The following TRIM48 variants were observed in gnomAD, a reference collection of about 807,000 sequenced individuals.
TRIM48 encodes tripartite motif containing 48.
In TRIM48, 31 loss-of-function variants were observed where a neutral mutation model predicts 29.5. The observed-to-expected ratio is 1.05, with a 90% CI of 0.79 to 1.42. TRIM48 has a LOEUF of 1.42. Among genes scored for constraint, TRIM48 ranks in the 40% most tolerant of loss-of-function variants. The pLI is 0.00. For missense variants in TRIM48, 344 were observed against 265.0 expected, an observed-to-expected ratio of 1.30 and a Z score of -2.07; for synonymous variants, 128 against 90.6, an observed-to-expected ratio of 1.41 and a Z score of -2.34.
rs200146545 is a variant in TRIM48, at chr11:55,271,062, G to C, written c.*627G>C. 8.1e-7 allele frequency: 1 copy of C among 1,234,678 alleles called. No homozygotes were observed. The highest frequency in any genetic ancestry group is 3.3e-5 in the East Asian group (1 of 30,768). 76.5% of individuals were successfully genotyped at this position (1,234,678 alleles called of 1,614,324 possible). ...TTTATGTCTTGAATTGCATTCTAAT[G>C]TTATTAAAACTCATTTATTGTGTTA... On this transcript the variant is annotated 3_prime_UTR_variant, in exon 6 of 6. Coordinates refer to ENST00000417545, the MANE Select transcript of TRIM48 (RefSeq NM_024114.5).
Position 55,268,346 on chromosome 11 carries a change from A to G in TRIM48, c.556-4A>G, listed in dbSNP as rs773485587. 2 of 1,514,616 alleles carry G rather than the reference A, an allele frequency of 1.3e-6. No homozygotes were observed. Among genetic ancestry groups the G allele is most frequent in the African/African-American group, 2.9e-5 (2 of 68,940 alleles). The allele number at this position is 1,514,616 out of a possible 1,614,324, so 93.8% of individuals were successfully genotyped here. A position where few individuals can be genotyped will look rare whatever the true frequency, so the allele number is the denominator to read the frequency against. On this transcript the variant is annotated splice_polypyrimidine_tract_variant and splice_region_variant and intron_variant, in intron 3 of 5. Coordinates refer to ENST00000417545, the MANE Select transcript of TRIM48 (RefSeq NM_024114.5). ...CTAAATCTTTCTATTTTTTTTTTTT[A>G]CAGGCTTTTGGAGACATATTATACA...
At position 55,265,759 on chromosome 11, in the gene TRIM48, A is replaced by T; in HGVS notation, c.555+64A>T. On this transcript the variant is annotated intron_variant, in intron 3 of 5. Coordinates refer to ENST00000417545, the MANE Select transcript of TRIM48 (RefSeq NM_024114.5). Reference sequence around the variant, plus strand: ...GGTGGGCAAATGGGTGACTCTTAAAATAGGAACTTGATATCAAACCGTAAT... The same window carrying T: ...GGTGGGCAAATGGGTGACTCTTAAATTAGGAACTTGATATCAAACCGTAAT... The T allele has an allele frequency of 3.4e-6, 5 of 1,476,262 alleles. 1 individual carries two copies. The highest frequency in any genetic ancestry group is 4.6e-6 in the Non-Finnish European group (5 of 1,086,870). 91.4% of individuals were successfully genotyped at this position (1,476,262 alleles called of 1,614,324 possible).
At chr11:55,266,062 G>A (rs1304228782) in intron 3 of TRIM48, among the ~76,000 whole-genome samples, 2 of 147,550 alleles carry the variant, frequency 1.4e-5, no homozygotes, top group African/African-American at 5.0e-5. Flanking sequence ...AACCTTCTGA[G>A]CCTGGGTCAG....
chr11:55,270,323 T>G, intron 5 of TRIM48, 114 bp from the exon 6 acceptor site: 1 of 839,188 alleles, frequency 1.2e-6, no homozygotes, highest in Non-Finnish European at 1.7e-6. Flanking sequence ...CCTTGTGACT[T>G]TACGTTTCCT....
At chr11:55,262,439 T>C (rs1262992723) in intron 1 of TRIM48, 128 bp downstream of exon 1, 4 of 719,864 alleles carry the variant, frequency 5.6e-6, no homozygotes, top group Admixed American at 2.7e-5. Context: ...ATTCTTACTA[T>C]AGATTTTATG....
rs1197908122 is a variant in TRIM48 at position 55,271,042 on chromosome 11, G to A, written c.*607G>A. On this transcript the variant is annotated 3_prime_UTR_variant, in exon 6 of 6. Coordinates refer to ENST00000417545, the MANE Select transcript of TRIM48 (RefSeq NM_024114.5). ...ACAGGACAAATAGGTTCGGTTTTAT[G>A]TCTTGAATTGCATTCTAATGTTATT... is the stretch of plus-strand genomic sequence containing the variant. 2 of 1,336,416 alleles carry A rather than the reference G, an allele frequency of 1.5e-6. No individual in the cohort carries two copies. The highest frequency in any genetic ancestry group is 2.0e-6 in the Non-Finnish European group (2 of 995,016). 82.8% of individuals were successfully genotyped at this position (1,336,416 alleles called of 1,614,324 possible).
Position 55,267,487 on chromosome 11 carries a change from T to C in TRIM48, c.556-863T>C. 1.9e-6 allele frequency: 3 copies of C among 1,579,824 alleles called. 1 individual carries two copies. Among genetic ancestry groups the C allele is most frequent in the South Asian group, 2.4e-5 (2 of 83,584 alleles). On this transcript the variant is annotated intron_variant, in intron 3 of 5. Coordinates refer to ENST00000417545, the MANE Select transcript of TRIM48 (RefSeq NM_024114.5). ...CATTTCATCATGAAGAAGAAAAACA[T>C]AATTTGGAGATGCTGAAAAAGAAGG...
Position 55,265,582 on chromosome 11 carries a change from T to C in TRIM48, c.460-18T>C. 6.3e-7 allele frequency: 1 copy of C among 1,577,362 alleles called. No individual in the cohort carries two copies. ...TTTATTGTCTTCACTGGTGCTTCAA[T>C]TTATGGCTCTTTTGCAGGAGAAGCT... On this transcript the variant is annotated intron_variant, in intron 2 of 5. Coordinates refer to ENST00000417545, the MANE Select transcript of TRIM48 (RefSeq NM_024114.5).
chr11:55,268,295 A>C, intron 3 of TRIM48, 55 bp from the exon 4 acceptor site: 2 of 1,418,206 alleles, frequency 1.4e-6, no homozygotes, highest in Admixed American at 1.8e-5. Context: ...ACTGAACTTA[A>C]TGAAAGATGC....
At chr11:55,267,163 G>GTT (rs3974158) in intron 3 of TRIM48, among the ~76,000 whole-genome samples, 2 of 145,944 alleles carry the variant, frequency 1.4e-5, no homozygotes, top group Non-Finnish European at 3.0e-5. Flanking sequence ...TTCAAATTGT[G>GTT]TTTTTTTTTA....
intron 1 of TRIM48, among the ~76,000 whole-genome samples, chr11:55,263,212 C>A (rs888781421): frequency 6.6e-6 from 1 of 152,142 alleles, no homozygotes; most frequent in Admixed American, 6.6e-5. Context: ...ATAATTACCA[C>A]TGTGTTACAA....
rs778042266 is a variant in TRIM48, at chr11:55,262,248, G to C, written c.-20G>C. The C allele has an allele frequency of 6.5e-7, 1 of 1,547,914 alleles. No individual in the cohort carries two copies. The highest frequency in any genetic ancestry group is 1.4e-5 in the African/African-American group (1 of 72,928). ...CTGCAGCGAATGAGCTCCTGACCTT[G>C]AGGAGTACTTAACAGAATTATGTCT... is the stretch of plus-strand genomic sequence containing the variant. On this transcript the variant is annotated 5_prime_UTR_variant, in exon 1 of 6. Coordinates refer to ENST00000417545, the MANE Select transcript of TRIM48 (RefSeq NM_024114.5).
Position 55,265,300 on chromosome 11 carries a change from G to T in TRIM48, c.445G>T (p.Ala149Ser). Residue 149 changes from alanine (A) to serine (S), a missense_variant, in exon 2 of 6, where the codon GCT becomes TCT. Physicochemically the swap from Ala to Ser is moderately conservative, Grantham distance 99. Transcript: ENST00000417545. ...YHRHCPAEWAAEEHWEKLLKK... is the reference protein window; with the variant it reads ...YHRHCPAEWASEEHWEKLLKK... ...CAGACACTGTCCCGCTGAGTGGGCT[G>T]CTGAGGAACACTGGGTAAGTGATGC... 4 of 1,582,322 alleles carry T rather than the reference G, an allele frequency of 2.5e-6. No homozygotes were observed. Among genetic ancestry groups the T allele is most frequent in the Non-Finnish European group, 3.4e-6 (4 of 1,166,090 alleles).
Position 55,267,750 on chromosome 11 carries a change from C to T in TRIM48, c.556-600C>T, listed in dbSNP as rs1268597249. 2.1e-6 allele frequency: 3 copies of T among 1,459,472 alleles called. No individual in the cohort carries two copies. In the African/African-American group the frequency reaches 4.3e-5, roughly 21 times the overall value. 90.4% of individuals were successfully genotyped at this position (1,459,472 alleles called of 1,614,324 possible). ...TATTTCCATGATGTGTTTCCAAAAA[C>T]ACATTCGCATAACTAATGCTACTTT... On this transcript the variant is annotated intron_variant, in intron 3 of 5. Coordinates refer to ENST00000417545, the MANE Select transcript of TRIM48 (RefSeq NM_024114.5).
At chr11:55,269,364 C>T (rs773980030) in intron 5 of TRIM48, 25 bp downstream of exon 5, 1 of 1,565,664 alleles carries the variant, frequency 6.4e-7, no homozygotes, top group South Asian at 1.2e-5. Context: ...ACAGGCAGCA[C>T]CCCCACTATC....
Position 55,270,541 on chromosome 11 carries a change from A to T in TRIM48, c.*106A>T, listed in dbSNP as rs1857467625. 6.3e-7 allele frequency: 1 copy of T among 1,582,678 alleles called. No homozygotes were observed. Among genetic ancestry groups the T allele is most frequent in the African/African-American group, 1.4e-5 (1 of 73,456 alleles). On this transcript the variant is annotated 3_prime_UTR_variant, in exon 6 of 6. Transcript: ENST00000417545. ...TGACCGTCAAAATCCGCCCCATATC[A>T]CTGCAACACCTACAAGTTTTCTTGC...
At position 55,268,396 on chromosome 11, in the gene TRIM48, C is replaced by T. The variant is rs775608279; in HGVS notation, c.578+24C>T. 6.4e-5 allele frequency: 99 copies of T among 1,537,500 alleles called. 11 individuals carry two copies. The highest frequency in any genetic ancestry group is 1.7e-4 in the Middle Eastern group (1 of 5,812). ...AGGTGAGTATGTACCTGGATTTTAG[C>T]ATATGTTCTTTCACTTTCCACGAAT... On this transcript the variant is annotated intron_variant, in intron 4 of 5. Transcript: ENST00000417545.
intron 5 of TRIM48, 122 bp downstream of exon 5, chr11:55,269,461 T>G: frequency 7.7e-7 from 1 of 1,297,834 alleles, no homozygotes; most frequent in South Asian, 1.5e-5. Flanking sequence ...GAGAACAATA[T>G]AATCATGCAA....
chr11:55,265,807 A>G, intron 3 of TRIM48, 112 bp downstream of exon 3: 2 of 1,229,618 alleles, frequency 1.6e-6, no homozygotes, highest in Non-Finnish European at 2.2e-6. Flanking sequence ...CAAAAAAAAA[A>G]AAAAAAGAGA....
Sources: gnomAD v4.1 joint callset for allele counts (sites outside exome capture counted in the v4.1 genomes callset) on GRCh38, gnomAD v4.1.1 for gene constraint, MANE v1.5 for transcripts, NCBI Gene and HGNC (gene_info 2026-07-23, HGNC 2026-07-21) for gene names.